The following STAB2 variants were observed in gnomAD, a reference collection of about 807,000 sequenced individuals.
The protein encoded by STAB2 is stabilin-2.
Under a neutral mutation model 338.1 loss-of-function variants are expected in STAB2, and 288 were observed. The ratio of observed to expected loss-of-function variants is 0.85; its 90% CI spans 0.77 to 0.94. The LOEUF is 0.94. Among genes scored for constraint, STAB2 ranks in the 40% least tolerant of loss-of-function variants. The probability of loss-of-function intolerance (pLI) is 0.00; values close to 1 mark genes in which losing one functional copy is unlikely to be tolerated. For missense variants in STAB2, 3,141 were observed against 3,210.1 expected (o/e 0.98, Z 0.52); for synonymous variants, 1,202 against 1,193.3 (o/e 1.01, Z -0.15).
chr12:103,766,552 T>C lies in STAB2; in HGVS notation c.*216T>C. 1 of 552,702 alleles carries C rather than the reference T, an allele frequency of 1.8e-6. No homozygotes were observed. The highest frequency in any genetic ancestry group is 3.2e-6 in the Non-Finnish European group (1 of 309,518). 34.2% of individuals were successfully genotyped at this position (552,702 alleles called of 1,614,324 possible). A position where few individuals can be genotyped will look rare whatever the true frequency, so the allele number is the denominator to read the frequency against. On this transcript the variant is annotated 3_prime_UTR_variant, in exon 69 of 69. Transcript: ENST00000388887. ...TCCTCCTCTGACCCTTTGGCTCTTC[T>C]TCCTTTGTACTCTTCAGCTGGCACC...
In STAB2 at chr12:103,659,826, T is replaced by C. The variant is rs80011491; in HGVS notation, c.1735-505T>C. Among the ~76,000 whole-genome samples, 995 of 152,370 alleles carry C rather than the reference T, an allele frequency of 6.5e-3. 8 individuals carry two copies. The highest frequency in any genetic ancestry group is 0.023 in the African/African-American group (947 of 41,600). On this transcript the variant is annotated intron_variant, in intron 15 of 68. Coordinates refer to ENST00000388887, the MANE Select transcript of STAB2 (RefSeq NM_017564.10). ...GGAAGGAAGAGGTGATCGCTATCCC[T>C]ATGACTCTATAATCCTAAATGACCT...
At chr12:103,632,727 T>TG (rs748045800) in intron 6 of STAB2, among the ~76,000 whole-genome samples, 1 of 152,068 alleles carries the variant, frequency 6.6e-6, no homozygotes, top group South Asian at 2.1e-4. Context: ...AGCAGCACAC[T>TG]GCACCCTGGA....
intron 3 of STAB2, among the ~76,000 whole-genome samples, chr12:103,594,757 G>T (rs1478693147): frequency 1.3e-5 from 2 of 152,112 alleles, no homozygotes; most frequent in African/African-American, 4.8e-5. Context: ...CAATTGAAAG[G>T]ATACCCATTT....
At chr12:103,639,398 C>T (rs776113519) in intron 8 of STAB2, among the ~76,000 whole-genome samples, 1 of 152,140 alleles carries the variant, frequency 6.6e-6, no homozygotes, top group African/African-American at 2.4e-5. Context: ...CTCCTCCCAT[C>T]ATGGCACTCA....
At chr12:103,713,946 GT>G (rs1197007862) in intron 42 of STAB2, among the ~76,000 whole-genome samples, 178 bp downstream of exon 42, 1 of 152,232 alleles carries the variant, frequency 6.6e-6, no homozygotes, top group East Asian at 1.9e-4. Flanking sequence ...GGCATGTCAT[GT>G]CCAAAAATTA....
chr12:103,745,764 G>A (rs897052071), intron 57 of STAB2, among the ~76,000 whole-genome samples: 8 of 152,192 alleles, frequency 5.3e-5, no homozygotes, highest in Admixed American at 2.0e-4. Context: ...ATTCTGCAAC[G>A]CAAGGATTGC....
chr12:103,681,578 C>A (rs928101174), intron 25 of STAB2, among the ~76,000 whole-genome samples: 1 of 151,134 alleles, frequency 6.6e-6, no homozygotes, highest in African/African-American at 2.4e-5. Context: ...ATGTTGTTCT[C>A]CCTGTGGGTG....
intron 18 of STAB2, among the ~76,000 whole-genome samples, chr12:103,665,273 G>C (rs1874976734): frequency 6.6e-6 from 1 of 152,190 alleles, no homozygotes; most frequent in South Asian, 2.1e-4. Context: ...GTGTTTACCA[G>C]GCTGAATCTA....
At chr12:103,753,484 C>A in intron 61 of STAB2, 131 bp downstream of exon 61, 2 of 1,218,434 alleles carry the variant, frequency 1.6e-6, no homozygotes, top group Non-Finnish European at 2.3e-6. Flanking sequence ...TGGAACAATG[C>A]TAACAGTCAC....
intron 10 of STAB2, among the ~76,000 whole-genome samples, chr12:103,649,828 G>T (rs1026825616): frequency 1.3e-5 from 2 of 152,098 alleles, no homozygotes; most frequent in African/African-American, 4.8e-5. Flanking sequence ...GGACCAGACA[G>T]GGGGGAGGTA....
intron 3 of STAB2, among the ~76,000 whole-genome samples, chr12:103,609,000 T>C (rs1957077886): frequency 6.6e-6 from 1 of 152,210 alleles, no homozygotes; most frequent in South Asian, 2.1e-4. Flanking sequence ...TAGTTGTAGA[T>C]GTGTGGCATT....
chr12:103,681,613 C>CA, intron 25 of STAB2, among the ~76,000 whole-genome samples: 1 of 92,948 alleles, frequency 1.1e-5, no homozygotes, highest in Admixed American at 1.1e-4. Flanking sequence ...TTCCCCCCTA[C>CA]TTTTTTTTTT....
chr12:103,730,270 C>G lies in STAB2; in HGVS notation c.5223+14C>G, dbSNP rs766840845. 4.6e-5 allele frequency: 74 copies of G among 1,613,210 alleles called. No homozygotes were observed. The highest frequency in any genetic ancestry group is 5.9e-6 in the Non-Finnish European group (7 of 1,179,636). On this transcript the variant is annotated intron_variant, in intron 49 of 68. Transcript: ENST00000388887. ...GGAAGAATTCTGGTAGGTAAACTCT[C>G]TGTTATGTTTTCAGCCTGGAGTGAC...
In STAB2 at chr12:103,713,783, C is replaced by T; in HGVS notation, c.4537+15C>T. 6.2e-7 allele frequency: 1 copy of T among 1,613,046 alleles called. No homozygotes were observed. Among genetic ancestry groups the T allele is most frequent in the Non-Finnish European group, 8.5e-7 (1 of 1,179,404 alleles). ...TGTGTGCCTGGGTAGGTGTCCTTCC[C>T]TCTTCCATCGGCGAAATGGTATAAG... On this transcript the variant is annotated intron_variant, in intron 42 of 68. Coordinates refer to ENST00000388887, the MANE Select transcript of STAB2 (RefSeq NM_017564.10).
intron 7 of STAB2, 41 bp downstream of exon 7, chr12:103,637,277 G>A (rs369952698): frequency 1.2e-5 from 19 of 1,581,168 alleles, no homozygotes; most frequent in Non-Finnish European, 1.5e-5. Flanking sequence ...TCATTGAGAT[G>A]TTTAGGTTAT....
chr12:103,636,496 T>G (rs539580161), intron 6 of STAB2, among the ~76,000 whole-genome samples: 9 of 151,838 alleles, frequency 5.9e-5, no homozygotes, highest in Non-Finnish European at 1.2e-4. Flanking sequence ...AGGGCTCACC[T>G]CCTATAATGA....
chr12:103,670,260 T>C (rs571429419), intron 21 of STAB2, among the ~76,000 whole-genome samples: 1 of 152,256 alleles, frequency 6.6e-6, no homozygotes, highest in East Asian at 1.9e-4. Flanking sequence ...CCAACACTGA[T>C]GTCAATCAGC....
chr12:103,669,757 C>A (rs1246493995), intron 21 of STAB2, 130 bp downstream of exon 21: 4 of 739,694 alleles, frequency 5.4e-6, no homozygotes, highest in African/African-American at 1.8e-5. Flanking sequence ...ACTAAAAGAA[C>A]AGCAGGTGTC....
chr12:103,668,476 G>A (rs1875380068), intron 19 of STAB2, 167 bp from the exon 20 acceptor site: 1 of 610,288 alleles, frequency 1.6e-6, no homozygotes, highest in South Asian at 1.9e-5. Context: ...CTAAAAAAGG[G>A]TGTCCAAGCT....
Sources: allele counts gnomAD v4.1 joint callset (sites outside exome capture counted in the v4.1 genomes callset), GRCh38; gene constraint gnomAD v4.1.1; transcripts MANE v1.5; gene names NCBI Gene and HGNC (gene_info 2026-07-23, HGNC 2026-07-21).